The following PELI2 variants were observed in gnomAD, a reference collection of about 807,000 sequenced individuals.
The protein encoded by PELI2 is E3 ubiquitin-protein ligase pellino homolog 2.
Under a neutral mutation model 42.3 loss-of-function variants are expected in PELI2, and 23 were observed. The ratio of observed to expected loss-of-function variants is 0.54; its 90% CI spans 0.39 to 0.77. The LOEUF is 0.77. Ranked by LOEUF, PELI2 falls within the 30% of genes least tolerant of loss-of-function variation. The pLI, the probability that PELI2 is intolerant of heterozygous loss-of-function variation, is 0.00. For missense variants in PELI2, 463 were observed against 553.2 expected, an observed-to-expected ratio of 0.84 and a Z score of 1.64; for synonymous variants, 245 against 212.2, an observed-to-expected ratio of 1.15 and a Z score of -1.34.
chr14:56,222,189 C>T lies in PELI2; in HGVS notation c.207+43725C>T, dbSNP rs544025983. On this transcript the variant is annotated intron_variant, in intron 2 of 5. Coordinates refer to ENST00000267460, the MANE Select transcript of PELI2 (RefSeq NM_021255.3). Reference sequence around the variant, plus strand: ...ATGCTAGAAGCTTTATCTGTGTCACCTCATTTAATCTTCATGGCAAGATGT... The same window carrying T: ...ATGCTAGAAGCTTTATCTGTGTCACTTCATTTAATCTTCATGGCAAGATGT... Among the ~76,000 whole-genome samples, 11 of 152,078 alleles carry T rather than the reference C, an allele frequency of 7.2e-5. No homozygotes were observed. The South Asian group carries it at 2.3e-3, about 32-fold the overall frequency.
rs148176371 is a variant in PELI2 at position 56,219,053 on chromosome 14, C to T, written c.207+40589C>T. On this transcript the variant is annotated intron_variant, in intron 2 of 5. Transcript: ENST00000267460. The surrounding 1 kb of genome is among the most constrained non-coding windows in gnomAD (Gnocchi z 4.1). ...GACCAGATCCATTTCCTGTTTTTTT[C>T]ACATTTCTTTTTCTAAGAATAAACA... Among the ~76,000 whole-genome samples the T allele has an allele frequency of 1.1e-3, 168 of 152,200 alleles. 2 individuals are homozygous for T. Among genetic ancestry groups the T allele is most frequent in the African/African-American group, 3.8e-3 (158 of 41,534 alleles).
chr14:56,131,867 C>T (rs149976339), intron 1 of PELI2, among the ~76,000 whole-genome samples: 74 of 152,212 alleles, frequency 4.9e-4, no homozygotes, highest in African/African-American at 1.6e-3. Flanking sequence ...CCAGCCTGGG[C>T]GACACAGTGA....
At chr14:56,262,389 G>A (rs1467700301) in intron 2 of PELI2, among the ~76,000 whole-genome samples, 10 of 152,086 alleles carry the variant, frequency 6.6e-5, no homozygotes, top group Non-Finnish European at 1.3e-4. Flanking sequence ...TCAATATCAA[G>A]CCATTTGACT....
rs1261928197 is a variant in PELI2 at position 56,219,251 on chromosome 14, A to G, written c.207+40787A>G. Reference sequence around the variant, plus strand: ...GTTTAATAGGCAAGAAGGAAGGAAGAAGACAGAAGGAAGAAGCTCCCCCGT... The same window carrying G: ...GTTTAATAGGCAAGAAGGAAGGAAGGAGACAGAAGGAAGAAGCTCCCCCGT... On this transcript the variant is annotated intron_variant, in intron 2 of 5. Coordinates refer to ENST00000267460, the MANE Select transcript of PELI2 (RefSeq NM_021255.3). This position sits in a 1 kb window ranked among gnomAD's most constrained non-coding sequence, Gnocchi z 4.1. Among the ~76,000 whole-genome samples the G allele has an allele frequency of 6.6e-6, 1 of 152,108 alleles. No homozygotes were observed. Among genetic ancestry groups the G allele is most frequent in the African/African-American group, 2.4e-5 (1 of 41,406 alleles).
rs933932454 is a variant in PELI2 at position 56,118,847 on chromosome 14, T to C, written c.77+110T>C. ...TGCTCTTTGGGGACCGCCGGGGCGC[T>C]CGGGGCGGCAGGAGAGGCTCTCAGG... On this transcript the variant is annotated intron_variant, in intron 1 of 5. Coordinates refer to ENST00000267460, the MANE Select transcript of PELI2 (RefSeq NM_021255.3). The C allele has an allele frequency of 4.8e-6, 3 of 625,492 alleles. No homozygotes were observed. In the Admixed American group the frequency reaches 1.3e-4, roughly 28 times the overall value. 38.7% of individuals were successfully genotyped at this position (625,492 alleles called of 1,614,324 possible).
chr14:56,148,344 A>G (rs1200438136), intron 1 of PELI2, among the ~76,000 whole-genome samples: 28 of 152,188 alleles, frequency 1.8e-4, no homozygotes, highest in Admixed American at 1.8e-3. Context: ...GTTAAGATTT[A>G]TGTAAAAATG....
At chr14:56,196,357 A>G (rs1488114197) in intron 2 of PELI2, among the ~76,000 whole-genome samples, 3 of 152,208 alleles carry the variant, frequency 2.0e-5, no homozygotes, top group Non-Finnish European at 2.9e-5. Flanking sequence ...TTACTAAGCA[A>G]TTTGAGCCAC....
chr14:56,188,466 A>G (rs986012080), intron 2 of PELI2, among the ~76,000 whole-genome samples: 8 of 152,196 alleles, frequency 5.3e-5, no homozygotes, highest in Non-Finnish European at 1.0e-4. Flanking sequence ...TTATGTTACG[A>G]CATTTCCCTG....
chr14:56,290,854 C>T (rs1168631454), intron 5 of PELI2, among the ~76,000 whole-genome samples: 2 of 152,196 alleles, frequency 1.3e-5, no homozygotes, highest in African/African-American at 2.4e-5. Context: ...GAATTATTTA[C>T]TAGACTTTCT....
chr14:56,249,155 A>G (rs1021571622), intron 2 of PELI2, among the ~76,000 whole-genome samples: 6 of 152,180 alleles, frequency 3.9e-5, no homozygotes, highest in Non-Finnish European at 7.3e-5. Flanking sequence ...TTTAGTTTCC[A>G]AACATTCACA....
At chr14:56,149,708 A>G (rs1025995448) in intron 1 of PELI2, among the ~76,000 whole-genome samples, 10 of 152,032 alleles carry the variant, frequency 6.6e-5, no homozygotes, top group Non-Finnish European at 1.3e-4. Context: ...GTTCATTTCC[A>G]GATTATCTCA....
In PELI2 at chr14:56,259,828, T is replaced by C. The variant is rs140883194; in HGVS notation, c.208-19848T>C. Among the ~76,000 whole-genome samples, 916 of 152,238 alleles carry C rather than the reference T, an allele frequency of 6.0e-3. 10 individuals carry two copies. The highest frequency in any genetic ancestry group is 0.02 in the African/African-American group (836 of 41,544). ...ATGTACAAAAATAAGTTCTTCTATA[T>C]TAGCAATAAGTAATAGAGAATGGAA... is the stretch of plus-strand genomic sequence containing the variant. On this transcript the variant is annotated intron_variant, in intron 2 of 5. Coordinates refer to ENST00000267460, the MANE Select transcript of PELI2 (RefSeq NM_021255.3).
intron 2 of PELI2, among the ~76,000 whole-genome samples, chr14:56,201,105 G>A (rs1479741): frequency 0.4 from 61,325 of 152,028 alleles, 13,078 homozygotes; most frequent in South Asian, 0.53. Context: ...TGGAACATGC[G>A]CCCTGCAATG....
At chr14:56,169,769 G>C (rs932637706) in intron 1 of PELI2, among the ~76,000 whole-genome samples, 11 of 152,268 alleles carry the variant, frequency 7.2e-5, no homozygotes, top group African/African-American at 2.6e-4. Flanking sequence ...CTGCCATATT[G>C]CTCCGCCTCC....
intron 3 of PELI2, among the ~76,000 whole-genome samples, chr14:56,283,773 A>G (rs1375317376): frequency 6.6e-6 from 1 of 152,224 alleles, no homozygotes; most frequent in African/African-American, 2.4e-5. Context: ...AAGCCAAGCA[A>G]GAATTCACAT....
chr14:56,149,036 C>CA (rs1268469465), intron 1 of PELI2, among the ~76,000 whole-genome samples: 6 of 152,286 alleles, frequency 3.9e-5, no homozygotes, highest in African/African-American at 1.4e-4. Context: ...GGAGAGAGGT[C>CA]ACCTCCTTAG....
chr14:56,290,056 C>G (rs1889776872), intron 4 of PELI2, among the ~76,000 whole-genome samples: 1 of 152,126 alleles, frequency 6.6e-6, no homozygotes, highest in South Asian at 2.1e-4. Flanking sequence ...GATGTGTGTC[C>G]AGTGATAAGT....
At chr14:56,163,294 T>G (rs893759082) in intron 1 of PELI2, among the ~76,000 whole-genome samples, 1 of 152,204 alleles carries the variant, frequency 6.6e-6, no homozygotes, top group Non-Finnish European at 1.5e-5. Flanking sequence ...TTTCTGCATA[T>G]GGATATCCAG....
intron 2 of PELI2, among the ~76,000 whole-genome samples, chr14:56,253,328 A>G (rs1888413419): frequency 6.6e-6 from 1 of 152,250 alleles, no homozygotes; most frequent in Non-Finnish European, 1.5e-5. Flanking sequence ...CCTATTCAAT[A>G]TAGTATTGGA....
Sources: gnomAD v4.1 joint callset for allele counts (sites outside exome capture counted in the v4.1 genomes callset) on GRCh38, gnomAD v4.1.1 for gene constraint, Gnocchi (gnomAD v3.1) non-coding constraint, MANE v1.5 for transcripts, NCBI Gene and HGNC (gene_info 2026-07-23, HGNC 2026-07-21) for gene names.